The following AFF4 variants were observed in gnomAD, a reference collection of about 807,000 sequenced individuals.
AFF4 encodes AF4/FMR2 family member 4.
A neutral mutation model predicts 124.8 loss-of-function variants in AFF4; 13 were observed. The ratio of observed to expected loss-of-function variants is 0.10; its 90% CI spans 0.07 to 0.17. AFF4 has a LOEUF of 0.17. Among genes scored for constraint, AFF4 ranks in the 10% least tolerant of loss-of-function variants. The pLI is 1.00. For synonymous variants in AFF4, 477 were observed against 496.1 expected (o/e 0.96, Z 0.51); for missense variants, 1,092 against 1,403.8 (o/e 0.78, Z 3.55).
chr5:132,928,913 T>C (rs189382286), intron 4 of AFF4, among the ~76,000 whole-genome samples: 6 of 152,324 alleles, frequency 3.9e-5, no homozygotes, highest in African/African-American at 7.2e-5. Context: ...AGAATTTCAC[T>C]TCCTGAAATA....
Position 132,958,465 on chromosome 5 carries a change from CAAAAAAA to C in AFF4, c.-5+4787_-5+4793del, listed in dbSNP as rs34337170. 7.2e-5 allele frequency among the ~76,000 whole-genome samples: 4 copies of C among 55,708 alleles called. No individual in the cohort carries two copies. The East Asian group carries it at 1.5e-3, about 21-fold the overall frequency. The allele number at this position is 55,708 out of a possible 152,430, so 36.5% of individuals were successfully genotyped here. On this transcript the variant is annotated intron_variant, in intron 1 of 20. Transcript: ENST00000265343. ...TGGATGACAGAGTGAGACCCTGTCT[CAAAAAAA>C]AAAAAAAAAAAAAAAAAGGAGCTAC...
At chr5:132,925,379 T>C (rs1213133230) in intron 5 of AFF4, among the ~76,000 whole-genome samples, 1 of 151,826 alleles carries the variant, frequency 6.6e-6, no homozygotes, top group East Asian at 1.9e-4. Flanking sequence ...TTTATGATCC[T>C]AGAGAAAGAA....
In AFF4 at chr5:132,876,517, G is replaced by C; in HGVS notation, c.*4542C>G. ...TAAGAATGGCAAGTTATGTTTAGCT[G>C]AGTAACAGTGGCAAGGAGAGGTCAA... On this transcript the variant is annotated 3_prime_UTR_variant, in exon 21 of 21. Transcript: ENST00000265343. 4.6e-6 allele frequency: 1 copy of C among 215,814 alleles called. No homozygotes were observed. Among genetic ancestry groups the C allele is most frequent in the Admixed American group, 5.8e-5 (1 of 17,146 alleles). 13.4% of individuals were successfully genotyped at this position (215,814 alleles called of 1,614,324 possible).
chr5:132,899,204 GAAT>G, intron 8 of AFF4, 63 bp from the exon 9 acceptor site: 1 of 1,480,164 alleles, frequency 6.8e-7, no homozygotes, highest in Non-Finnish European at 9.4e-7. Context: ...TGCTTAGTGT[GAAT>G]AATATCTGAA....
At chr5:132,946,267 T>G (rs1174042234) in intron 1 of AFF4, among the ~76,000 whole-genome samples, 13 of 152,168 alleles carry the variant, frequency 8.5e-5, no homozygotes, top group Non-Finnish European at 1.5e-4. Flanking sequence ...CCTCAAAAAC[T>G]TTAACAAATA....
intron 2 of AFF4, among the ~76,000 whole-genome samples, chr5:132,935,867 G>T (rs1356393107): frequency 6.6e-6 from 1 of 151,436 alleles, no homozygotes; most frequent in Non-Finnish European, 1.5e-5. Flanking sequence ...TGGTGGCAAT[G>T]AGCCGAGATC....
At chr5:132,930,852 A>C (rs919722231) in intron 4 of AFF4, among the ~76,000 whole-genome samples, 8 of 151,256 alleles carry the variant, frequency 5.3e-5, no homozygotes, top group African/African-American at 1.9e-4. Context: ...CATACCTATA[A>C]TCCCAGCACT....
intron 1 of AFF4, among the ~76,000 whole-genome samples, chr5:132,941,961 C>T (rs367836279): frequency 3.9e-4 from 59 of 150,788 alleles, no homozygotes; most frequent in African/African-American, 1.4e-3. Context: ...GAGACGAGAT[C>T]GCACCAGTGC....
chr5:132,887,648 T>C (rs774201976), intron 16 of AFF4, 56 bp from the exon 17 acceptor site: 44 of 1,551,488 alleles, frequency 2.8e-5, no homozygotes, highest in South Asian at 1.1e-4. Flanking sequence ...CTTGATCTTA[T>C]GATTTCACTT....
intron 1 of AFF4, among the ~76,000 whole-genome samples, chr5:132,938,429 C>A (rs575043417): frequency 6.6e-6 from 1 of 151,672 alleles, no homozygotes; most frequent in South Asian, 2.1e-4. Flanking sequence ...CAATGGCTGG[C>A]TAATTTTTTT....
Position 132,879,757 on chromosome 5 carries a change from A to G in AFF4, c.*1302T>C, listed in dbSNP as rs1741822469. On this transcript the variant is annotated 3_prime_UTR_variant, in exon 21 of 21. Coordinates refer to ENST00000265343, the MANE Select transcript of AFF4 (RefSeq NM_014423.4). ...TTTGATATACAACTCTTACAGAGCC[A>G]GCTTCTTTAAGCTCTACCCCTGGCT... 4.5e-6 allele frequency: 1 copy of G among 220,880 alleles called. No individual in the cohort carries two copies. Among genetic ancestry groups the G allele is most frequent in the South Asian group, 1.8e-4 (1 of 5,422 alleles). The allele number at this position is 220,880 out of a possible 1,614,324, so 13.7% of individuals were successfully genotyped here.
At chr5:132,950,313 TA>T (rs1453723651) in intron 1 of AFF4, among the ~76,000 whole-genome samples, 2 of 150,924 alleles carry the variant, frequency 1.3e-5, no homozygotes, top group African/African-American at 4.9e-5. Flanking sequence ...CCGTCTCTAC[TA>T]AAAATACAAA....
At chr5:132,898,200 G>A (rs796757981) in intron 10 of AFF4, 30 bp downstream of exon 10, 1 of 1,612,836 alleles carries the variant, frequency 6.2e-7, no homozygotes, top group African/African-American at 1.3e-5. Context: ...GAGAGGGCCT[G>A]TGGAAGGTAC....
intron 5 of AFF4, among the ~76,000 whole-genome samples, chr5:132,914,373 C>T (rs778169973): frequency 2.0e-5 from 3 of 151,782 alleles, no homozygotes; most frequent in Non-Finnish European, 4.4e-5. Flanking sequence ...GAGGCTGAGG[C>T]GGGCAGATCA....
intron 1 of AFF4, chr5:132,948,709 T>C (rs1021468484): frequency 2.0e-5 from 4 of 201,374 alleles, no homozygotes; most frequent in South Asian, 2.0e-4. Flanking sequence ...TGAAGCATCA[T>C]TGGCCTTGAG....
chr5:132,957,823 TC>T (rs1761996473), intron 1 of AFF4, among the ~76,000 whole-genome samples: 1 of 152,098 alleles, frequency 6.6e-6, no homozygotes, highest in African/African-American at 2.4e-5. Context: ...TGGGATCTCA[TC>T]AACACAATCT....
intron 8 of AFF4, 71 bp from the exon 9 acceptor site, chr5:132,899,212 T>C: frequency 1.4e-6 from 2 of 1,438,774 alleles, no homozygotes; most frequent in Non-Finnish European, 1.9e-6. Context: ...GTGAATAATA[T>C]CTGAACTCTT....
chr5:132,937,948 A>G (rs1761470409), intron 1 of AFF4, among the ~76,000 whole-genome samples: 1 of 152,212 alleles, frequency 6.6e-6, no homozygotes, highest in South Asian at 2.1e-4. Flanking sequence ...TATTTTCACT[A>G]GAACAAACCA....
chr5:132,884,241 C>T (rs1760057927), intron 19 of AFF4, among the ~76,000 whole-genome samples: 2 of 152,164 alleles, frequency 1.3e-5, no homozygotes, highest in East Asian at 1.9e-4. Flanking sequence ...TGTGTATACA[C>T]ATATATACAT....
Sources: allele counts gnomAD v4.1 joint callset (sites outside exome capture counted in the v4.1 genomes callset), GRCh38; gene constraint gnomAD v4.1.1; transcripts MANE v1.5; gene names NCBI Gene and HGNC (gene_info 2026-07-23, HGNC 2026-07-21).